ADAMTS9: variants seen among roughly 807,000 people sequenced by gnomAD.
The protein encoded by ADAMTS9 is ADAM metallopeptidase with thrombospondin type 1 motif 9.
In ADAMTS9, 107 loss-of-function variants were observed where a neutral mutation model predicts 257.1. That is an observed-to-expected ratio of 0.42 (90% CI 0.36 to 0.49). ADAMTS9 has a LOEUF of 0.49. Ranked by LOEUF, ADAMTS9 falls within the 20% of genes least tolerant of loss-of-function variation. The probability of loss-of-function intolerance (pLI) is 0.03; values close to 1 mark genes in which losing one functional copy is unlikely to be tolerated. For missense variants in ADAMTS9, 2,353 were observed against 2,469.1 expected, an observed-to-expected ratio of 0.95 and a Z score of 1.00; for synonymous variants, 982 against 880.9, an observed-to-expected ratio of 1.11 and a Z score of -2.03.
Position 64,641,919 on chromosome 3 carries a change from A to T in ADAMTS9, c.1785T>A (p.Ser595Arg), listed in dbSNP as rs377194639. Residue 595 changes from serine to arginine, a missense_variant, in exon 12 of 40, where the codon AGT becomes AGA. By Grantham distance (110) the Ser-to-Arg change is moderately radical. This residue lies in a region of ADAMTS9 where 360 missense variants were observed against 458.1 expected (regional missense o/e 0.79). Coordinates refer to ENST00000498707, the MANE Select transcript of ADAMTS9 (RefSeq NM_182920.2). ...ATGTTCTGGAGCAGGTTCCAAAGGGACTCCAACTTCCCCAGGATCCATCTG... is the reference window on the plus strand; with the variant it reads ...ATGTTCTGGAGCAGGTTCCAAAGGGTCTCCAACTTCCCCAGGATCCATCTG... Reference protein sequence around the residue: ...PVTDGSWGSWSPFGTCSRTCG... With the variant: ...PVTDGSWGSWRPFGTCSRTCG... The T allele has an allele frequency of 5.9e-5, 96 of 1,613,652 alleles. No homozygotes were observed. Among genetic ancestry groups the T allele is most frequent in the Non-Finnish European group, 7.9e-5 (93 of 1,179,948 alleles).
intron 8 of ADAMTS9, 106 bp downstream of exon 8, chr3:64,654,247 G>A (rs1008523396): frequency 3.6e-5 from 40 of 1,111,660 alleles, no homozygotes; most frequent in Non-Finnish European, 5.1e-5. Context: ...ACTATGACTC[G>A]GGAAGTCTCT....
intron 37 of ADAMTS9, among the ~76,000 whole-genome samples, chr3:64,537,238 G>A (rs532797670): frequency 6.6e-6 from 1 of 152,144 alleles, no homozygotes; most frequent in Non-Finnish European, 1.5e-5. Flanking sequence ...AAATCAATCA[G>A]TTCATTTGTC....
At chr3:64,656,760 GA>G (rs1411560756) in intron 4 of ADAMTS9, among the ~76,000 whole-genome samples, 14 of 152,192 alleles carry the variant, frequency 9.2e-5, no homozygotes, top group African/African-American at 3.4e-4. Flanking sequence ...GTGGGGGTGA[GA>G]GGGGCACGGA....
At chr3:64,558,440 ATTATTTT>A (rs1264183908) in intron 30 of ADAMTS9, among the ~76,000 whole-genome samples, 2 of 152,124 alleles carry the variant, frequency 1.3e-5, no homozygotes, top group Non-Finnish European at 2.9e-5. Context: ...AATAAGCTTT[ATTATTTT>A]TATTATCTTC....
intron 27 of ADAMTS9, among the ~76,000 whole-genome samples, chr3:64,594,883 T>A (rs2084335309): frequency 1.3e-5 from 2 of 152,100 alleles, no homozygotes; most frequent in East Asian, 3.9e-4. Flanking sequence ...GCCTCCCAGG[T>A]TCAAGTGATT....
chr3:64,553,777 T>C (rs1328396591), intron 30 of ADAMTS9, among the ~76,000 whole-genome samples: 1 of 152,076 alleles, frequency 6.6e-6, no homozygotes, highest in East Asian at 1.9e-4. Flanking sequence ...TTGAAACCAC[T>C]GTGAGGTGAG....
intron 12 of ADAMTS9, among the ~76,000 whole-genome samples, chr3:64,635,422 C>A (rs180947425): frequency 6.6e-6 from 1 of 152,310 alleles, no homozygotes. Context: ...GATCAACATT[C>A]ACCATTATTT....
chr3:64,660,510 C>A (rs1183611731), intron 3 of ADAMTS9, among the ~76,000 whole-genome samples: 1 of 152,124 alleles, frequency 6.6e-6, no homozygotes, highest in Non-Finnish European at 1.5e-5. Flanking sequence ...CAATTCATAA[C>A]CTTTAAATTG....
In ADAMTS9 at chr3:64,616,673, G is replaced by A. The variant is rs181955981; in HGVS notation, c.2814-503C>T. On this transcript the variant is annotated intron_variant, in intron 19 of 39. Transcript: ENST00000498707. ...GGTATTCAGTGTGTGCTGGCCAATC[G>A]TCTGGTTCTTTTAATACCCTAGGAA... Among the ~76,000 whole-genome samples, 10 of 152,214 alleles carry A rather than the reference G, an allele frequency of 6.6e-5. No homozygotes were observed. The East Asian group carries it at 1.2e-3, about 18-fold the overall frequency.
intron 16 of ADAMTS9, among the ~76,000 whole-genome samples, chr3:64,624,138 A>T (rs1428553048): frequency 6.6e-6 from 1 of 151,938 alleles, no homozygotes; most frequent in Non-Finnish European, 1.5e-5. Flanking sequence ...CATTCTGGAG[A>T]TCTAGTATAC....
intron 38 of ADAMTS9, among the ~76,000 whole-genome samples, chr3:64,529,793 TCTC>T (rs2082953541): frequency 6.6e-6 from 1 of 152,076 alleles, no homozygotes; most frequent in Non-Finnish European, 1.5e-5. Flanking sequence ...ATTTCTGGCC[TCTC>T]CTCAGACTGA....
At chr3:64,526,513 A>G (rs934239421) in intron 38 of ADAMTS9, among the ~76,000 whole-genome samples, 7 of 152,224 alleles carry the variant, frequency 4.6e-5, no homozygotes, top group Non-Finnish European at 7.3e-5. Flanking sequence ...CCATACCACC[A>G]GCAACTGAAT....
intron 3 of ADAMTS9, among the ~76,000 whole-genome samples, chr3:64,672,505 A>G (rs1701517607): frequency 6.6e-6 from 1 of 152,314 alleles, no homozygotes; most frequent in Middle Eastern, 3.4e-3. Context: ...TAACATGGCA[A>G]AACCCTGTCT....
chr3:64,632,477 T>C (rs888544573), intron 14 of ADAMTS9, among the ~76,000 whole-genome samples: 2 of 152,202 alleles, frequency 1.3e-5, no homozygotes, highest in Admixed American at 6.5e-5. Flanking sequence ...CGTTTAAATA[T>C]TGGCTATGAA....
At chr3:64,680,305 T>C (rs963708819) in intron 3 of ADAMTS9, among the ~76,000 whole-genome samples, 6 of 152,172 alleles carry the variant, frequency 3.9e-5, no homozygotes, top group African/African-American at 1.4e-4. Context: ...GGAGAAGCAA[T>C]TTTAAAAATA....
intron 28 of ADAMTS9, among the ~76,000 whole-genome samples, chr3:64,586,058 A>G (rs1390508471): frequency 2.6e-5 from 4 of 152,124 alleles, no homozygotes; most frequent in Non-Finnish European, 4.4e-5. Context: ...TCTTGGCTTA[A>G]ACCACTAGCT....
At chr3:64,562,858 C>T (rs1260780802) in intron 29 of ADAMTS9, 1 of 152,286 alleles carries the variant, frequency 6.6e-6, no homozygotes, top group South Asian at 2.1e-4. Flanking sequence ...AAGAATCACA[C>T]CCAAATGTAT....
At chr3:64,533,755 A>T (rs536489492) in intron 37 of ADAMTS9, among the ~76,000 whole-genome samples, 10 of 152,336 alleles carry the variant, frequency 6.6e-5, no homozygotes, top group Admixed American at 1.3e-4. Context: ...TAAGCACAGC[A>T]GGGCGGGACT....
intron 12 of ADAMTS9, among the ~76,000 whole-genome samples, chr3:64,637,827 T>C (rs1006580639): frequency 2.0e-5 from 3 of 152,176 alleles, no homozygotes; most frequent in Admixed American, 1.3e-4. Context: ...TACCAGCCCA[T>C]CTTTAATGAT....
Sources: allele counts gnomAD v4.1 joint callset (sites outside exome capture counted in the v4.1 genomes callset), GRCh38; gene constraint gnomAD v4.1.1; regional missense constraint gnomAD v4.1.1; transcripts MANE v1.5; gene names NCBI Gene and HGNC (gene_info 2026-07-23, HGNC 2026-07-21).